The following CCDC110 variants were observed in gnomAD, a reference collection of about 807,000 sequenced individuals.
CCDC110 encodes coiled-coil domain containing 110.
A neutral mutation model predicts 77.1 loss-of-function variants in CCDC110; 70 were observed. The observed-to-expected ratio is 0.91, with a 90% CI of 0.75 to 1.11. The LOEUF (loss-of-function observed/expected upper bound fraction) is 1.11. CCDC110 is among the 50% of genes least tolerant of loss of function. The pLI is 0.00. For missense variants in CCDC110, 868 were observed against 942.9 expected (o/e 0.92, Z 1.04); for synonymous variants, 295 against 312.5 (o/e 0.94, Z 0.59).
Position 185,459,926 on chromosome 4 carries a change from C to T in CCDC110, c.661G>A (p.Asp221Asn), listed in dbSNP as rs2095642960. The T allele has an allele frequency of 1.2e-6, 2 of 1,613,706 alleles. No homozygotes were observed. The highest frequency in any genetic ancestry group is 1.3e-5 in the African/African-American group (1 of 74,900). The change falls in exon 6 of 7, where the codon GAT (aspartate) becomes AAT (asparagine). Residue 221 changes from aspartate to asparagine, a missense_variant. Transcript: ENST00000307588. Reference protein sequence around the residue: ...VMSQADTVILDKSKITVPFLK... With the variant: ...VMSQADTVILNKSKITVPFLK... ...AAAGGCACAGTAATTTTGGATTTATCCAGAATTACTGTATCAGCTTGAGAC... is the reference window on the plus strand; with the variant it reads ...AAAGGCACAGTAATTTTGGATTTATTCAGAATTACTGTATCAGCTTGAGAC...
At chr4:185,463,790 G>A (rs2095650649) in intron 2 of CCDC110, among the ~76,000 whole-genome samples, 1 of 152,156 alleles carries the variant, frequency 6.6e-6, no homozygotes, top group Admixed American at 6.6e-5. Flanking sequence ...GGGCCAGAAG[G>A]GGCCCTCTGG....
chr4:185,458,282 G>A lies in CCDC110; in HGVS notation c.2305C>T (p.Arg769Ter), dbSNP rs199552759. The A allele has an allele frequency of 3.8e-5, 60 of 1,596,908 alleles. 1 individual carries two copies. The highest frequency in any genetic ancestry group is 3.3e-4 in the Middle Eastern group (2 of 6,000). Residue 769 changes from arginine (R) to a stop codon, truncating the protein, a stop_gained, in exon 6 of 7, where the codon CGA (arginine) becomes TGA (stop). Coordinates refer to ENST00000307588, the MANE Select transcript of CCDC110 (RefSeq NM_152775.4). LOFTEE classifies it high-confidence loss of function. ...TLEFEMRHLQ[R>*]EYLSLSDKIC... The stretch of plus-strand genomic sequence containing the variant: ...TTATCACTTAAACTTAAATATTCTC[G>A]TTGAAGATGCCGCATCTCAAATTCC...
intron 2 of CCDC110, chr4:185,470,467 C>G (rs1238933629): frequency 5.9e-6 from 2 of 341,696 alleles, no homozygotes; most frequent in Non-Finnish European, 1.2e-5. Flanking sequence ...AATTTTCCCC[C>G]CTGAATATTT....
intron 6 of CCDC110, among the ~76,000 whole-genome samples, chr4:185,453,611 G>C (rs1051766256): frequency 2.0e-5 from 3 of 147,916 alleles, no homozygotes; most frequent in South Asian, 4.3e-4. Context: ...GCAGTGGTGC[G>C]ATCATGGCTC....
At chr4:185,471,599 C>T in intron 1 of CCDC110, 75 bp downstream of exon 1, 1 of 1,480,488 alleles carries the variant, frequency 6.8e-7, no homozygotes, top group Non-Finnish European at 9.1e-7. Flanking sequence ...GAGCGGGGAG[C>T]CGCCTGCTGA....
intron 2 of CCDC110, among the ~76,000 whole-genome samples, chr4:185,466,244 A>G (rs192440172): frequency 7.4e-4 from 112 of 152,172 alleles, no homozygotes; most frequent in Admixed American, 2.7e-3. Flanking sequence ...GTGTGGTGGC[A>G]TGTGCCTGTA....
rs756932221 is a variant in CCDC110 at position 185,459,212 on chromosome 4, T to C, written c.1375A>G (p.Met459Val). 1 of 1,604,510 alleles carries C rather than the reference T, an allele frequency of 6.2e-7. No individual in the cohort carries two copies. Among genetic ancestry groups the C allele is most frequent in the South Asian group, 1.1e-5 (1 of 88,254 alleles). ...ESENLNLKSK[M>V]KPLIFTTQSL... Reference sequence around the variant, plus strand: ...TGTGTGGTAAAGATAAGAGGTTTCATTTTGGACTTAAGGTTTAGATTTTCA... The same window carrying C: ...TGTGTGGTAAAGATAAGAGGTTTCACTTTGGACTTAAGGTTTAGATTTTCA... The change falls in exon 6 of 7, where the codon ATG becomes GTG. Residue 459 changes from methionine (M) to valine (V), a missense_variant. Met to Val is a conservative substitution (Grantham distance 21). Transcript: ENST00000307588.
In CCDC110 at chr4:185,448,089, C is replaced by T. The variant is rs181621748; in HGVS notation, c.2462-2547G>A. On this transcript the variant is annotated intron_variant, in intron 6 of 6. Coordinates refer to ENST00000307588, the MANE Select transcript of CCDC110 (RefSeq NM_152775.4). ...AGGCTGGAGTGCAAAGGTGTGATCT[C>T]GGCTCACTGCAACCTCTGCCTCCCA... 9.5e-4 allele frequency among the ~76,000 whole-genome samples: 144 copies of T among 151,684 alleles called. 1 individual carries two copies. The Middle Eastern group carries it at 0.017, about 18-fold the overall frequency.
intron 6 of CCDC110, chr4:185,452,348 T>C (rs2095630362): frequency 2.0e-6 from 2 of 985,336 alleles, no homozygotes; most frequent in African/African-American, 3.5e-5. Context: ...ACAAACTGTC[T>C]GCTTACATCT....
chr4:185,448,657 C>T (rs1351067411), intron 6 of CCDC110, among the ~76,000 whole-genome samples: 1 of 152,250 alleles, frequency 6.6e-6, no homozygotes, highest in Non-Finnish European at 1.5e-5. Context: ...TTTTTTCTAT[C>T]CTTTTAACCT....
intron 6 of CCDC110, among the ~76,000 whole-genome samples, chr4:185,455,503 C>A (rs979022642): frequency 6.6e-6 from 1 of 152,108 alleles, no homozygotes; most frequent in African/African-American, 2.4e-5. Flanking sequence ...ACAAGGAATA[C>A]CCCTAGGGAT....
chr4:185,446,483 C>T (rs2095611713), intron 6 of CCDC110, among the ~76,000 whole-genome samples: 2 of 152,122 alleles, frequency 1.3e-5, no homozygotes, highest in South Asian at 4.1e-4. Context: ...TTTATTCTCT[C>T]ACTCAACATC....
chr4:185,467,288 C>G (rs2095657986), intron 2 of CCDC110, among the ~76,000 whole-genome samples: 1 of 152,224 alleles, frequency 6.6e-6, no homozygotes, highest in African/African-American at 2.4e-5. Context: ...TTTTTAAAAG[C>G]TATTAACATA....
chr4:185,466,324 G>A (rs892054067), intron 2 of CCDC110, among the ~76,000 whole-genome samples: 10 of 152,072 alleles, frequency 6.6e-5, no homozygotes, highest in Non-Finnish European at 1.0e-4. Flanking sequence ...GCAGTGAGCC[G>A]AGATTGTGCC....
At chr4:185,455,680 T>C (rs1019940535) in intron 6 of CCDC110, among the ~76,000 whole-genome samples, 2 of 152,094 alleles carry the variant, frequency 1.3e-5, no homozygotes, top group Admixed American at 1.3e-4. Flanking sequence ...GGTCAGGAGT[T>C]TGACTGAGTC....
chr4:185,449,846 G>T, intron 6 of CCDC110: 1 of 423,502 alleles, frequency 2.4e-6, no homozygotes, highest in Non-Finnish European at 4.3e-6. Context: ...GTTGATTTAT[G>T]TTTTTAGATC....
intron 2 of CCDC110, among the ~76,000 whole-genome samples, chr4:185,467,462 C>T (rs932680350): frequency 2.0e-5 from 3 of 152,320 alleles, no homozygotes; most frequent in South Asian, 2.1e-4. Context: ...AATCACACTT[C>T]ACCATTTACC....
At position 185,459,068 on chromosome 4, in the gene CCDC110, C is replaced by A. The variant is rs777082668; in HGVS notation, c.1519G>T (p.Glu507Ter). The change falls in exon 6 of 7, where the codon GAA (glutamate) becomes TAA (stop). Residue 507 changes from glutamate (E) to a stop codon, truncating the protein, a stop_gained. Transcript: ENST00000307588. LOFTEE classifies it high-confidence loss of function. ...TATTTACTAATTATTTTTTTAAATT[C>A]TTTAAGACACTCTTTGCTGTATTCT... ...TEEYSKECLK[E>*]FKKIISKYNV... 5 of 1,568,140 alleles carry A rather than the reference C, an allele frequency of 3.2e-6. No homozygotes were observed. The South Asian group carries it at 5.9e-5, about 18-fold the overall frequency.
intron 4 of CCDC110, among the ~76,000 whole-genome samples, chr4:185,461,882 A>G (rs1285557124): frequency 6.6e-6 from 1 of 152,162 alleles, no homozygotes; most frequent in Non-Finnish European, 1.5e-5. Flanking sequence ...CAGATCACCT[A>G]AGGTCGGGAG....
Sources: allele counts gnomAD v4.1 joint callset (sites outside exome capture counted in the v4.1 genomes callset), GRCh38; gene constraint gnomAD v4.1.1; transcripts MANE v1.5; gene names NCBI Gene and HGNC (gene_info 2026-07-23, HGNC 2026-07-21).